Variants in NRXN3 observed in about 807,000 individuals in gnomAD.
The protein encoded by NRXN3 is neurexin 3.
NRXN3 carries 32 observed loss-of-function variants against 137.6 expected under a neutral mutation model. The observed-to-expected ratio is 0.23, with a 90% CI of 0.18 to 0.31. The LOEUF is 0.31. Among genes scored for constraint, NRXN3 ranks in the 10% least tolerant of loss-of-function variants. The pLI is 1.00. For missense variants in NRXN3, 1,574 were observed against 2,062.5 expected (o/e 0.76, Z 4.59); for synonymous variants, 798 against 784.5 (o/e 1.02, Z -0.29).
intron 10 of NRXN3, among the ~76,000 whole-genome samples, chr14:78,887,315 C>T (rs2099146440): frequency 6.6e-6 from 1 of 152,022 alleles, no homozygotes; most frequent in South Asian, 2.1e-4. Context: ...CTTGTGTAAT[C>T]ACCACTTAGG....
chr14:78,978,575 G>A (rs2099478058), intron 14 of NRXN3, among the ~76,000 whole-genome samples: 1 of 151,786 alleles, frequency 6.6e-6, no homozygotes, highest in African/African-American at 2.4e-5. Flanking sequence ...AGCTATGGAA[G>A]TAGCTTTGCT....
intron 19 of NRXN3, among the ~76,000 whole-genome samples, chr14:79,709,009 G>A (rs1348484423): frequency 1.3e-5 from 2 of 152,104 alleles, no homozygotes; most frequent in African/African-American, 4.8e-5. Flanking sequence ...GACAGGGAGA[G>A]AGGGAGGATG....
At chr14:79,284,855 G>A (rs2081991951) in intron 15 of NRXN3, among the ~76,000 whole-genome samples, 1 of 152,124 alleles carries the variant, frequency 6.6e-6, no homozygotes, top group Non-Finnish European at 1.5e-5. Flanking sequence ...CTTTATGCCT[G>A]CCTTCTTGAG....
chr14:78,857,164 GT>G (rs962481889), intron 10 of NRXN3, among the ~76,000 whole-genome samples: 30 of 148,528 alleles, frequency 2.0e-4, no homozygotes, highest in African/African-American at 3.4e-4. Context: ...TATATGAATT[GT>G]TTTTTTTTTC....
chr14:79,719,348 CAT>C (rs3061483), intron 19 of NRXN3, among the ~76,000 whole-genome samples: 59,224 of 146,700 alleles, frequency 0.4, 12,688 homozygotes, highest in East Asian at 0.77. Flanking sequence ...TATATATACA[CAT>C]ATATGTGTAT....
intron 15 of NRXN3, among the ~76,000 whole-genome samples, chr14:79,075,756 T>C (rs2045864934): frequency 6.6e-6 from 1 of 152,210 alleles, no homozygotes. Flanking sequence ...GCCTGTAGCA[T>C]TTATTTCAAG....
At chr14:79,755,849 A>T (rs2099017568) in intron 19 of NRXN3, among the ~76,000 whole-genome samples, 1 of 152,144 alleles carries the variant, frequency 6.6e-6, no homozygotes, top group Admixed American at 6.6e-5. Context: ...CTAAGCAAAT[A>T]ATCACCCCTT....
chr14:78,230,683 C>T (rs1297057280), intron 1 of NRXN3, among the ~76,000 whole-genome samples: 2 of 152,082 alleles, frequency 1.3e-5, no homozygotes, highest in Admixed American at 1.3e-4. Flanking sequence ...TTGGGCTGCA[C>T]TTATTGAGTT....
intron 4 of NRXN3, among the ~76,000 whole-genome samples, chr14:78,348,218 C>A (rs1597602112): frequency 1.3e-5 from 2 of 152,138 alleles, no homozygotes; most frequent in East Asian, 3.9e-4. Context: ...ATTCTTGGCT[C>A]AGCCTACACC....
At chr14:79,160,695 A>G (rs571002408) in intron 15 of NRXN3, among the ~76,000 whole-genome samples, 1 of 152,000 alleles carries the variant, frequency 6.6e-6, no homozygotes, top group East Asian at 1.9e-4. Context: ...GCCATCTGCA[A>G]TTTACTGCTT....
chr14:79,837,934 T>C (rs1361786467), intron 20 of NRXN3, among the ~76,000 whole-genome samples: 1 of 152,208 alleles, frequency 6.6e-6, no homozygotes, highest in Non-Finnish European at 1.5e-5. Flanking sequence ...TCAATATTTA[T>C]ATTTGTCTTA....
intron 15 of NRXN3, among the ~76,000 whole-genome samples, chr14:79,314,977 C>A (rs917641996): frequency 3.9e-5 from 6 of 152,186 alleles, no homozygotes; most frequent in African/African-American, 1.4e-4. Flanking sequence ...TGCCAGGACG[C>A]CTGCTTATTA....
chr14:78,738,443 C>T (rs1451179085), intron 8 of NRXN3, among the ~76,000 whole-genome samples: 1 of 152,162 alleles, frequency 6.6e-6, no homozygotes. Context: ...GCTTTACCCT[C>T]CCCTCCCATT....
intron 20 of NRXN3, among the ~76,000 whole-genome samples, chr14:79,860,054 A>G (rs1384892103): frequency 2.6e-5 from 4 of 152,222 alleles, no homozygotes; most frequent in Admixed American, 2.0e-4. Context: ...CTACTGCAGA[A>G]TATTTGTGGT....
intron 1 of NRXN3, among the ~76,000 whole-genome samples, chr14:78,201,391 A>C (rs1019405884): frequency 6.6e-6 from 1 of 152,176 alleles, no homozygotes; most frequent in Non-Finnish European, 1.5e-5. Context: ...TGGGGCTTAC[A>C]GATCTGATGG....
At chr14:79,112,650 T>G (rs1001902165) in intron 15 of NRXN3, among the ~76,000 whole-genome samples, 2 of 152,230 alleles carry the variant, frequency 1.3e-5, no homozygotes, top group Non-Finnish European at 2.9e-5. Context: ...TTTTACAAAA[T>G]TTAAACAATG....
chr14:78,729,828 CCA>C (rs556004408), intron 8 of NRXN3, among the ~76,000 whole-genome samples: 86 of 152,206 alleles, frequency 5.7e-4, no homozygotes, highest in African/African-American at 2.0e-3. Context: ...CTATGTATCC[CCA>C]GTGCCAAGGA....
intron 16 of NRXN3, among the ~76,000 whole-genome samples, chr14:79,580,833 G>A (rs1410574704): frequency 6.6e-6 from 1 of 152,160 alleles, no homozygotes; most frequent in African/African-American, 2.4e-5. Context: ...CATATGGACA[G>A]AAGGAACACA....
intron 8 of NRXN3, among the ~76,000 whole-genome samples, chr14:78,752,660 G>A (rs191673898): frequency 2.4e-4 from 37 of 152,270 alleles, no homozygotes; most frequent in Admixed American, 6.5e-4. Context: ...AAGTATAGGC[G>A]TGGGAAGGGT....
Sources: allele counts gnomAD v4.1 joint callset (sites outside exome capture counted in the v4.1 genomes callset), GRCh38; gene constraint gnomAD v4.1.1; transcripts MANE v1.5; gene names NCBI Gene and HGNC (gene_info 2026-07-23, HGNC 2026-07-21).